Variants in RBPJ observed in about 807,000 individuals in gnomAD.
RBPJ encodes recombination signal binding protein for immunoglobulin kappa J region.
In RBPJ, 9 loss-of-function variants were observed where a neutral mutation model predicts 67.8. That is an observed-to-expected ratio of 0.13 (90% CI 0.08 to 0.23). The LOEUF (loss-of-function observed/expected upper bound fraction) is 0.23, where lower values mean the gene tolerates loss of function less well. Among genes scored for constraint, RBPJ ranks in the 10% least tolerant of loss-of-function variants. RBPJ has a pLI of 1.00. For synonymous variants in RBPJ, 198 were observed against 203.3 expected (o/e 0.97, Z 0.22); for missense variants, 305 against 595.6 (o/e 0.51, Z 5.08).
intron 1 of RBPJ, among the ~76,000 whole-genome samples, chr4:26,297,466 T>C (rs1287033458): frequency 6.6e-6 from 1 of 151,914 alleles, no homozygotes; most frequent in Admixed American, 6.6e-5. Context: ...CAGCAGTGAC[T>C]GAGAATGTCG....
chr4:26,255,665 G>A (rs1303465916), intron 1 of RBPJ, among the ~76,000 whole-genome samples: 2 of 151,334 alleles, frequency 1.3e-5, no homozygotes, highest in Non-Finnish European at 2.9e-5. Context: ...AGCCAGGCGT[G>A]GTGGCAGGTG....
At chr4:26,420,161 TTTA>T (rs1260726020) in intron 4 of RBPJ, among the ~76,000 whole-genome samples, 2 of 112,672 alleles carry the variant, frequency 1.8e-5, no homozygotes, top group African/African-American at 5.8e-5. Flanking sequence ...TTCTGATAGC[TTTA>T]TTATTATTTT....
chr4:26,242,424 A>G (rs1462511329), intron 1 of RBPJ, among the ~76,000 whole-genome samples: 13 of 149,512 alleles, frequency 8.7e-5, no homozygotes, highest in Non-Finnish European at 1.8e-4. Flanking sequence ...TCCAGCCTGG[A>G]CAACAGAGCG....
At chr4:26,313,467 A>C (rs1206786880) in intron 1 of RBPJ, among the ~76,000 whole-genome samples, 2 of 152,034 alleles carry the variant, frequency 1.3e-5, no homozygotes, top group Non-Finnish European at 2.9e-5. Flanking sequence ...GGAGATCGAG[A>C]CCATTCTGGT....
At chr4:26,353,285 C>G (rs956606071) in intron 1 of RBPJ, among the ~76,000 whole-genome samples, 1 of 152,226 alleles carries the variant, frequency 6.6e-6, no homozygotes, top group Non-Finnish European at 1.5e-5. Context: ...TGCAGCAGAT[C>G]ACAGCAAGGA....
At chr4:26,142,902 C>T in the RBPJ span, among the ~76,000 whole-genome samples, 336 of 152,300 alleles carry the variant, frequency 2.2e-3, 4 homozygotes, top group African/African-American at 8.0e-3. Context: ...CTGCCTCAGC[C>T]TCCCAGGTAG....
At chr4:26,175,394 T>C (rs1478246077) in intron 1 of RBPJ, among the ~76,000 whole-genome samples, 1 of 149,992 alleles carries the variant, frequency 6.7e-6, no homozygotes, top group Non-Finnish European at 1.5e-5. Flanking sequence ...GGGATTTGAG[T>C]CTGGGGGAGG....
chr4:26,112,074 G>A, the RBPJ span: 1 of 152,922 alleles, frequency 6.5e-6, no homozygotes, highest in Non-Finnish European at 1.5e-5. Context: ...ATTAGAGGAA[G>A]GATTTCCAAG....
intron 1 of RBPJ, among the ~76,000 whole-genome samples, chr4:26,205,118 G>A (rs1169066707): frequency 6.6e-6 from 1 of 152,202 alleles, no homozygotes; most frequent in Non-Finnish European, 1.5e-5. Flanking sequence ...TGGCCACCAG[G>A]AGCACAGGAA....
chr4:26,122,418 C>G, the RBPJ span, among the ~76,000 whole-genome samples: 1 of 152,210 alleles, frequency 6.6e-6, no homozygotes, highest in African/African-American at 2.4e-5. Flanking sequence ...TCATATGTTT[C>G]TGGCAGGCCA....
chr4:26,234,761 A>C (rs1043040091), intron 1 of RBPJ, among the ~76,000 whole-genome samples: 6 of 152,074 alleles, frequency 3.9e-5, no homozygotes, highest in Admixed American at 6.5e-5. Context: ...GGTGAGATCT[A>C]GGCTCACTGC....
chr4:26,347,558 A>T (rs183787850), intron 1 of RBPJ, among the ~76,000 whole-genome samples: 3 of 152,326 alleles, frequency 2.0e-5, no homozygotes, highest in Admixed American at 2.0e-4. Flanking sequence ...AGGATTTCAG[A>T]GACCCTGGCA....
chr4:26,313,770 A>C (rs1172387298), intron 1 of RBPJ, among the ~76,000 whole-genome samples: 2 of 152,084 alleles, frequency 1.3e-5, no homozygotes, highest in African/African-American at 4.8e-5. Context: ...TGGGAGGCAG[A>C]GGTTGTGGTG....
At chr4:26,295,458 A>C (rs989829729) in intron 1 of RBPJ, among the ~76,000 whole-genome samples, 2 of 152,170 alleles carry the variant, frequency 1.3e-5, no homozygotes, top group African/African-American at 4.8e-5. Flanking sequence ...GCTTCTTAAA[A>C]AAGTAGCAGT....
intron 1 of RBPJ, among the ~76,000 whole-genome samples, chr4:26,225,851 GA>G (rs914879543): frequency 4.6e-5 from 7 of 151,482 alleles, no homozygotes; most frequent in East Asian, 1.9e-4. Context: ...TAAATAGGGG[GA>G]AAAAAAAGGA....
chr4:26,226,778 G>A (rs1340900171), intron 1 of RBPJ, among the ~76,000 whole-genome samples: 1 of 152,202 alleles, frequency 6.6e-6, no homozygotes, highest in African/African-American at 2.4e-5. Context: ...CTGTTAAAGT[G>A]AGGGTTACCA....
the RBPJ span, among the ~76,000 whole-genome samples, chr4:26,114,328 G>A: frequency 8.5e-4 from 129 of 151,760 alleles, 1 homozygote; most frequent in African/African-American, 2.5e-3. Flanking sequence ...GCATGGTGGC[G>A]TGTGCCTATA....
At chr4:26,203,662 G>A (rs921082506) in intron 1 of RBPJ, among the ~76,000 whole-genome samples, 2 of 152,156 alleles carry the variant, frequency 1.3e-5, no homozygotes, top group African/African-American at 4.8e-5. Flanking sequence ...GCTGCTACCT[G>A]TGGGGTCCAC....
At chr4:26,171,706 G>T (rs1178251132) in intron 1 of RBPJ, among the ~76,000 whole-genome samples, 2 of 152,158 alleles carry the variant, frequency 1.3e-5, no homozygotes, top group Non-Finnish European at 2.9e-5. Flanking sequence ...CATCTGTCTG[G>T]GTCCTTTATT....
Sources: allele counts gnomAD v4.1 joint callset (sites outside exome capture counted in the v4.1 genomes callset), GRCh38; gene constraint gnomAD v4.1.1; transcripts MANE v1.5; gene names NCBI Gene and HGNC (gene_info 2026-07-23, HGNC 2026-07-21).